PCDHGA6: variants seen among roughly 807,000 people sequenced by gnomAD.
The protein encoded by PCDHGA6 is protocadherin gamma-A6.
Under a neutral mutation model 60.6 loss-of-function variants are expected in PCDHGA6, and 41 were observed. The observed-to-expected ratio is 0.68, with a 90% CI of 0.53 to 0.88. The LOEUF (loss-of-function observed/expected upper bound fraction) is 0.88, where lower values mean the gene tolerates loss of function less well. Among genes scored for constraint, PCDHGA6 ranks in the 40% least tolerant of loss-of-function variants. The pLI is 0.00. For synonymous variants in PCDHGA6, 594 were observed against 524.4 expected (o/e 1.13, Z -1.81); for missense variants, 1,312 against 1,203.0 (o/e 1.09, Z -1.34).
chr5:141,397,245 G>A (rs2093494919), intron 1 of PCDHGA6, among the ~76,000 whole-genome samples: 1 of 152,148 alleles, frequency 6.6e-6, no homozygotes, highest in African/African-American at 2.4e-5. Flanking sequence ...CAACGTAGTA[G>A]GGTATATCAT....
chr5:141,404,862 C>A, intron 1 of PCDHGA6: 1 of 1,613,848 alleles, frequency 6.2e-7, no homozygotes, highest in Non-Finnish European at 8.5e-7. Context: ...GATAGAGATG[C>A]GCTCAAACAG....
intron 1 of PCDHGA6, chr5:141,414,036 A>G: frequency 6.2e-7 from 1 of 1,612,018 alleles, no homozygotes; most frequent in South Asian, 1.1e-5. Context: ...CATTCCGAAA[A>G]TTACCTGACA....
rs773522759 is a variant in PCDHGA6, at chr5:141,419,457, A to G, written c.2424+42950A>G. The G allele has an allele frequency of 7.4e-6, 12 of 1,612,610 alleles. No homozygotes were observed. The South Asian group carries it at 1.3e-4, about 18-fold the overall frequency. On this transcript the variant is annotated intron_variant, in intron 1 of 3. Transcript: ENST00000517434. ...CTGCGCACCTTCGAGCTCACGCTGC[A>G]GGCCCGCGACCAGGGCTCGCCCGCG...
chr5:141,394,302 C>T (rs1380425662), intron 1 of PCDHGA6: 1 of 1,614,010 alleles, frequency 6.2e-7, no homozygotes, highest in Non-Finnish European at 8.5e-7. Flanking sequence ...GGACACGCTG[C>T]AGGGGGCGCC....
At chr5:141,385,471 C>T in intron 1 of PCDHGA6, 4 of 1,437,776 alleles carry the variant, frequency 2.8e-6, no homozygotes, top group South Asian at 3.1e-5. Context: ...AGTGGTGACA[C>T]TTTAATATAG....
Position 141,476,790 on chromosome 5 carries a change from C to T in PCDHGA6, c.2425-18017C>T. ...TTGGACGGAGGGACCCCAGCTCTCT[C>T]CGCCAGCCTGCCTATTCACATCAAG... On this transcript the variant is annotated intron_variant, in intron 1 of 3. Coordinates refer to ENST00000517434, the MANE Select transcript of PCDHGA6 (RefSeq NM_018919.3). This position sits in a 1 kb window ranked among gnomAD's most constrained non-coding sequence, Gnocchi z 7.6. 1 of 1,613,606 alleles carries T rather than the reference C, an allele frequency of 6.2e-7. No homozygotes were observed. Among genetic ancestry groups the T allele is most frequent in the South Asian group, 1.1e-5 (1 of 91,084 alleles).
intron 1 of PCDHGA6, chr5:141,423,800 T>C: frequency 1.6e-5 from 14 of 895,104 alleles, no homozygotes; most frequent in East Asian, 1.3e-4. Context: ...TTTAGAGCAA[T>C]ACATGTGAGT....
chr5:141,504,180 A>G (rs1195970606), intron 2 of PCDHGA6, among the ~76,000 whole-genome samples: 1 of 152,236 alleles, frequency 6.6e-6, no homozygotes, highest in Non-Finnish European at 1.5e-5. Context: ...ATTCAAAAAA[A>G]TCATGAAAAT....
At chr5:141,479,003 C>A (rs2099485569) in intron 1 of PCDHGA6, among the ~76,000 whole-genome samples, 1 of 152,176 alleles carries the variant, frequency 6.6e-6, no homozygotes, top group African/African-American at 2.4e-5. Flanking sequence ...AAACTAATAG[C>A]TTTTTGATAA....
In PCDHGA6 at chr5:141,389,782, G is replaced by C. The variant is rs768524617; in HGVS notation, c.2424+13275G>C. 4 of 1,613,192 alleles carry C rather than the reference G, an allele frequency of 2.5e-6. No individual in the cohort carries two copies. In the African/African-American group the frequency reaches 5.3e-5, roughly 22 times the overall value. On this transcript the variant is annotated intron_variant, in intron 1 of 3. Transcript: ENST00000517434. ...CGCACAGCGCGTGCCTTAGGCGACAGGGACGCCGTCCGCCAGCGCCTTCTG... is the reference window on the plus strand; with the variant it reads ...CGCACAGCGCGTGCCTTAGGCGACACGGACGCCGTCCGCCAGCGCCTTCTG...
intron 1 of PCDHGA6, among the ~76,000 whole-genome samples, chr5:141,452,276 C>A (rs1160292593): frequency 2.6e-5 from 4 of 152,172 alleles, no homozygotes; most frequent in Admixed American, 6.5e-5. Flanking sequence ...TGAACCCTTT[C>A]TTACTTTCTG....
At position 141,413,510 on chromosome 5, in the gene PCDHGA6, T is replaced by G. The variant is rs372002880; in HGVS notation, c.2424+37003T>G. On this transcript the variant is annotated intron_variant, in intron 1 of 3. Transcript: ENST00000517434. ...GCGCGGTGCGTGGTGAGTTTTAATA[T>G]CCTTGTGGAAGACAGGGTGAAACTT... The G allele has an allele frequency of 5.4e-5, 87 of 1,613,876 alleles. No individual in the cohort carries two copies. Among genetic ancestry groups the G allele is most frequent in the Middle Eastern group, 1.6e-4 (1 of 6,084 alleles).
chr5:141,475,821 G>T, intron 1 of PCDHGA6: 1 of 352,534 alleles, frequency 2.8e-6, no homozygotes, highest in Non-Finnish European at 5.1e-6. Context: ...AGTTCCTGGC[G>T]CTAGCGCGTG....
chr5:141,428,368 C>T, intron 1 of PCDHGA6: 1 of 545,002 alleles, frequency 1.8e-6, no homozygotes, highest in Non-Finnish European at 3.4e-6. Context: ...GGTCGCCTTG[C>T]ACCTGCGATG....
In PCDHGA6 at chr5:141,486,440, A is replaced by G; in HGVS notation, c.2425-8367A>G. 6.2e-7 allele frequency: 1 copy of G among 1,614,114 alleles called. No individual in the cohort carries two copies. The highest frequency in any genetic ancestry group is 8.5e-7 in the Non-Finnish European group (1 of 1,179,936). On this transcript the variant is annotated intron_variant, in intron 1 of 3. Coordinates refer to ENST00000517434, the MANE Select transcript of PCDHGA6 (RefSeq NM_018919.3). This position sits in a 1 kb window ranked among gnomAD's most constrained non-coding sequence, Gnocchi z 5.0. ...TCGAGAGGCCAAATCTAGCTATGACATCATGGTCACTGCTTCTGATGCTGG... is the reference window on the plus strand; with the variant it reads ...TCGAGAGGCCAAATCTAGCTATGACGTCATGGTCACTGCTTCTGATGCTGG...
intron 1 of PCDHGA6, among the ~76,000 whole-genome samples, chr5:141,437,093 C>T (rs1382920904): frequency 2.6e-5 from 4 of 152,136 alleles, no homozygotes; most frequent in East Asian, 1.9e-4. Flanking sequence ...TTGAAACTAA[C>T]GGCTTAGCTT....
chr5:141,486,673 A>G lies in PCDHGA6; in HGVS notation c.2425-8134A>G. On this transcript the variant is annotated intron_variant, in intron 1 of 3. Transcript: ENST00000517434. The surrounding 1 kb of genome is among the most constrained non-coding windows in gnomAD (Gnocchi z 5.0). ...ACTCACTCCTGGAGCCCAGGAATCG[A>G]GATGTATCAGCTTCCTCTTTCATCT... The G allele has an allele frequency of 6.2e-7, 1 of 1,614,014 alleles. No homozygotes were observed. The highest frequency in any genetic ancestry group is 2.2e-5 in the East Asian group (1 of 44,866).
rs750401937 is a variant in PCDHGA6 at position 141,487,357 on chromosome 5, T to G, written c.2425-7450T>G. 5.0e-6 allele frequency: 8 copies of G among 1,614,212 alleles called. No homozygotes were observed. The highest frequency in any genetic ancestry group is 6.8e-6 in the Non-Finnish European group (8 of 1,180,032). ...CCTGTGGAGTCACATGCTTTCCTGC[T>G]GGCACCTGTGCCTGTCTCACCAGAT... On this transcript the variant is annotated intron_variant, in intron 1 of 3. Transcript: ENST00000517434. This position sits in a 1 kb window ranked among gnomAD's most constrained non-coding sequence, Gnocchi z 5.0.
At chr5:141,427,683 G>C in intron 1 of PCDHGA6, 1 of 836,052 alleles carries the variant, frequency 1.2e-6, no homozygotes. Flanking sequence ...CCTTCCCGGA[G>C]CCTCCATCCC....
Sources: gnomAD v4.1 joint callset for allele counts (sites outside exome capture counted in the v4.1 genomes callset) on GRCh38, gnomAD v4.1.1 for gene constraint, Gnocchi (gnomAD v3.1) non-coding constraint, MANE v1.5 for transcripts, NCBI Gene and HGNC (gene_info 2026-07-23, HGNC 2026-07-21) for gene names.